Variants in RAB11FIP3 observed in about 807,000 individuals in gnomAD.
RAB11FIP3 encodes rab11 family-interacting protein 3.
Under a neutral mutation model 77.8 loss-of-function variants are expected in RAB11FIP3, and 17 were observed. That is an observed-to-expected ratio of 0.22 (90% confidence interval 0.15 to 0.33). The LOEUF (loss-of-function observed/expected upper bound fraction) is 0.33. RAB11FIP3 is among the 10% of genes least tolerant of loss of function. The pLI, the probability that RAB11FIP3 is intolerant of heterozygous loss-of-function variation, is 1.00. For synonymous variants in RAB11FIP3, 437 were observed against 448.2 expected, an observed-to-expected ratio of 0.98 and a Z score of 0.31; for missense variants, 1,005 against 1,011.2, an observed-to-expected ratio of 0.99 and a Z score of 0.08.
At position 519,810 on chromosome 16, in the gene RAB11FIP3, G is replaced by A. The variant is rs1163517296; in HGVS notation, c.1779G>A (p.Glu593=). 4.4e-6 allele frequency: 7 copies of A among 1,608,430 alleles called. No homozygotes were observed. In the East Asian group the frequency reaches 8.9e-5, roughly 21 times the overall value. The change falls in exon 11 of 14, where the codon GAG becomes GAA. Residue 593 remains glutamate, a synonymous_variant. Coordinates refer to ENST00000262305, the MANE Select transcript of RAB11FIP3 (RefSeq NM_014700.4). ...IESLTLRLSE[E]QENKRRMGDR... ...CGCTGACGCTGCGGCTCAGTGAAGAGCAGGAGAACAAGAGGAGAATGGGGG... is the reference window on the plus strand; with the variant it reads ...CGCTGACGCTGCGGCTCAGTGAAGAACAGGAGAACAAGAGGAGAATGGGGG...
intron 4 of RAB11FIP3, among the ~76,000 whole-genome samples, chr16:486,084 G>C (rs1567385996): frequency 6.6e-6 from 1 of 152,038 alleles, no homozygotes; most frequent in East Asian, 1.9e-4. Context: ...TTGTATTTTT[G>C]GTAGAGATAG....
chr16:497,437 G>A lies in RAB11FIP3; in HGVS notation c.1301+578G>A, dbSNP rs1008703036. The A allele has an allele frequency of 4.8e-6, 6 of 1,240,858 alleles. No individual in the cohort carries two copies. In the African/African-American group the frequency reaches 6.3e-5, roughly 13 times the overall value. The allele number at this position is 1,240,858 out of a possible 1,614,324, so 76.9% of individuals were successfully genotyped here. On this transcript the variant is annotated intron_variant, in intron 6 of 13. Coordinates refer to ENST00000262305, the MANE Select transcript of RAB11FIP3 (RefSeq NM_014700.4). Reference sequence around the variant, plus strand: ...TCAGTGTGGCTGCCGGGTGGCCTCTGCTGCCGTCAGAGTCTGCCTTTGTGT... The same window carrying A: ...TCAGTGTGGCTGCCGGGTGGCCTCTACTGCCGTCAGAGTCTGCCTTTGTGT...
intron 2 of RAB11FIP3, among the ~76,000 whole-genome samples, chr16:467,362 G>A (rs1280298595): frequency 6.6e-6 from 1 of 152,168 alleles, no homozygotes; most frequent in African/African-American, 2.4e-5. Context: ...ACACTGAGCT[G>A]ACTGCAGAGC....
intron 1 of RAB11FIP3, among the ~76,000 whole-genome samples, chr16:428,349 C>A (rs1364728123): frequency 6.6e-6 from 1 of 152,136 alleles, no homozygotes; most frequent in Non-Finnish European, 1.5e-5. Flanking sequence ...TGTTTTGCTG[C>A]GTTTCCTTCT....
rs1251381153 is a variant in RAB11FIP3, at chr16:445,973, G to A, written c.715-15431G>A. Among the ~76,000 whole-genome samples, 3 of 152,084 alleles carry A rather than the reference G, an allele frequency of 2.0e-5. No homozygotes were observed. In the East Asian group the frequency reaches 5.8e-4, roughly 29 times the overall value. Reference sequence around the variant, plus strand: ...GCCCCTGTGTGAGGTGGGGGTAGGTGGGGCTGGAAAGTGTTCTAGACACAG... The same window carrying A: ...GCCCCTGTGTGAGGTGGGGGTAGGTAGGGCTGGAAAGTGTTCTAGACACAG... On this transcript the variant is annotated intron_variant, in intron 1 of 13. Transcript: ENST00000262305.
chr16:436,465 CATTT>C (rs201364080), intron 1 of RAB11FIP3, among the ~76,000 whole-genome samples: 7 of 151,866 alleles, frequency 4.6e-5, no homozygotes, highest in Non-Finnish European at 8.8e-5. Flanking sequence ...GCCAATGTTT[CATTT>C]ATTTATTTAT....
rs1291951705 is a variant in RAB11FIP3, at chr16:506,998, G to A, written c.1499+1371G>A. 1.3e-5 allele frequency among the ~76,000 whole-genome samples: 2 copies of A among 152,100 alleles called. No individual in the cohort carries two copies. Among genetic ancestry groups the A allele is most frequent in the Non-Finnish European group, 2.9e-5 (2 of 68,026 alleles). Reference sequence around the variant, plus strand: ...TTTGTTTTTTGAGAGACAGGGCCTCGCTCTGTTGCTCAGGCTGAGTGCTGA... The same window carrying A: ...TTTGTTTTTTGAGAGACAGGGCCTCACTCTGTTGCTCAGGCTGAGTGCTGA... On this transcript the variant is annotated intron_variant, in intron 8 of 13. Transcript: ENST00000262305. This position sits in a 1 kb window ranked among gnomAD's most constrained non-coding sequence, Gnocchi z 4.5.
chr16:518,970 T>A lies in RAB11FIP3; in HGVS notation c.1668T>A (p.Ser556Arg), dbSNP rs765308760. The change falls in exon 10 of 14, where the codon AGT becomes AGA. Residue 556 changes from serine (S) to arginine (R), a missense_variant. Around this residue, in one of 4 missense-constraint regions of RAB11FIP3, gnomAD observed 433 missense variants for 436.1 expected, o/e 0.99. Coordinates refer to ENST00000262305, the MANE Select transcript of RAB11FIP3 (RefSeq NM_014700.4). Reference sequence around the variant, plus strand: ...TACAGCAACTGGACGAGGAGAACAGTGAACTCCGGTCCTGCACGCCCTGTC... The same window carrying A: ...TACAGCAACTGGACGAGGAGAACAGAGAACTCCGGTCCTGCACGCCCTGTC... ...TRLQQLDEENSELRSCTPCLK... is the reference protein window; with the variant it reads ...TRLQQLDEENRELRSCTPCLK... 6.2e-7 allele frequency: 1 copy of A among 1,613,696 alleles called. No individual in the cohort carries two copies. Among genetic ancestry groups the A allele is most frequent in the South Asian group, 1.1e-5 (1 of 91,090 alleles).
chr16:437,737 A>G (rs1337423233), intron 1 of RAB11FIP3, among the ~76,000 whole-genome samples: 1 of 152,210 alleles, frequency 6.6e-6, no homozygotes, highest in Non-Finnish European at 1.5e-5. Context: ...CTGTTATGTC[A>G]TTTAATCAAA....
At chr16:512,644 A>G (rs919334094) in intron 9 of RAB11FIP3, among the ~76,000 whole-genome samples, 6 of 149,890 alleles carry the variant, frequency 4.0e-5, no homozygotes, top group Admixed American at 2.0e-4. Flanking sequence ...CCTGCGTTCA[A>G]GCAATTCTGT....
intron 1 of RAB11FIP3, among the ~76,000 whole-genome samples, chr16:428,277 A>T (rs928124727): frequency 6.6e-6 from 1 of 152,150 alleles, no homozygotes; most frequent in Non-Finnish European, 1.5e-5. Context: ...ACTAATGGGC[A>T]GTGAAATATG....
rs184458596 is a variant in RAB11FIP3, at chr16:455,238, G to A, written c.715-6166G>A. On this transcript the variant is annotated intron_variant, in intron 1 of 13. Transcript: ENST00000262305. Reference sequence around the variant, plus strand: ...CTCACGCCGGTAATCCCAGCACTTTGGGAGGCCAAGGTGGGCGGATCACCT... The same window carrying A: ...CTCACGCCGGTAATCCCAGCACTTTAGGAGGCCAAGGTGGGCGGATCACCT... 2.3e-4 allele frequency among the ~76,000 whole-genome samples: 35 copies of A among 151,740 alleles called. 1 individual carries two copies. The South Asian group carries it at 6.0e-3, about 26-fold the overall frequency.
At chr16:459,255 T>C (rs542756240) in intron 1 of RAB11FIP3, among the ~76,000 whole-genome samples, 19 of 150,406 alleles carry the variant, frequency 1.3e-4, no homozygotes, top group African/African-American at 4.4e-4. Context: ...GCCTCCCGAG[T>C]AGCTGGGGTT....
intron 1 of RAB11FIP3, among the ~76,000 whole-genome samples, chr16:448,274 G>A (rs1321582864): frequency 6.7e-6 from 1 of 150,158 alleles, no homozygotes; most frequent in East Asian, 2.0e-4. Flanking sequence ...TCGAGATTGC[G>A]CCATTGCACT....
intron 3 of RAB11FIP3, among the ~76,000 whole-genome samples, chr16:479,007 T>G (rs1266486329): frequency 2.0e-5 from 3 of 152,128 alleles, no homozygotes; most frequent in Non-Finnish European, 4.4e-5. Flanking sequence ...AAGTTCTGTT[T>G]AATAGTTCTT....
chr16:497,018 T>C (rs1055793202), intron 6 of RAB11FIP3, 159 bp downstream of exon 6: 36 of 796,196 alleles, frequency 4.5e-5, no homozygotes, highest in Admixed American at 2.2e-4. Context: ...GAAGGAGTGT[T>C]GGGAAAGGGG....
At chr16:458,979 C>T (rs1197219090) in intron 1 of RAB11FIP3, among the ~76,000 whole-genome samples, 1 of 152,158 alleles carries the variant, frequency 6.6e-6, no homozygotes, top group Non-Finnish European at 1.5e-5. Context: ...GACATCTGTG[C>T]CTCACCCCAG....
At position 520,146 on chromosome 16, in the gene RAB11FIP3, C is replaced by A; in HGVS notation, c.1885C>A (p.Leu629Met). ...GCTGATCGAGGACCTCCGAAAGCAG[C>A]TGGAGCACCTGCAGCTCCTCAAGCT... ...QELIEDLRKQ[L>M]EHLQLLKLEA... The change falls in exon 12 of 14, where the codon CTG becomes ATG. Residue 629 changes from leucine (L) to methionine (M), a missense_variant. Transcript: ENST00000262305. 1 of 1,546,252 alleles carries A rather than the reference C, an allele frequency of 6.5e-7. No homozygotes were observed.
rs2141920273 is a variant in RAB11FIP3 at position 522,091 on chromosome 16, T to C, written c.*1252T>C. On this transcript the variant is annotated 3_prime_UTR_variant, in exon 14 of 14. Transcript: ENST00000262305. ...GCCTTCCACGCTAGGATGTAAGAGG[T>C]CGCCTCCTATTGTACATTTGGGGAA... is the stretch of plus-strand genomic sequence containing the variant. The C allele has an allele frequency of 7.4e-6, 1 of 135,132 alleles. No individual in the cohort carries two copies. Among genetic ancestry groups the C allele is most frequent in the South Asian group, 2.4e-4 (1 of 4,248 alleles). The allele number at this position is 135,132 out of a possible 1,614,324, so 8.4% of individuals were successfully genotyped here.
Sources: allele counts gnomAD v4.1 joint callset (sites outside exome capture counted in the v4.1 genomes callset), GRCh38; gene constraint gnomAD v4.1.1; regional missense constraint gnomAD v4.1.1; non-coding constraint Gnocchi (gnomAD v3.1); transcripts MANE v1.5; gene names NCBI Gene and HGNC (gene_info 2026-07-23, HGNC 2026-07-21).